Variants in SLC26A7 observed in about 807,000 individuals in gnomAD.
SLC26A7 encodes solute carrier family 26 member 7, also known as anion exchange transporter.
Under a neutral mutation model 82.5 loss-of-function variants are expected in SLC26A7, and 59 were observed. That is an observed-to-expected ratio of 0.72 (90% CI 0.58 to 0.89). The LOEUF (loss-of-function observed/expected upper bound fraction) is 0.89. Ranked by LOEUF, SLC26A7 falls within the 40% of genes least tolerant of loss-of-function variation. The pLI, the probability that SLC26A7 is intolerant of heterozygous loss-of-function variation, is 0.00. For missense variants in SLC26A7, 820 were observed against 793.0 expected (o/e 1.03, Z -0.41); for synonymous variants, 271 against 274.3 (o/e 0.99, Z 0.12).
intron 4 of SLC26A7, among the ~76,000 whole-genome samples, chr8:91,315,291 A>C (rs7016454): frequency 0.054 from 8,271 of 152,188 alleles, 269 homozygotes; most frequent in African/African-American, 0.067. Context: ...TTTTCATCAT[A>C]CCTCAGTAAT....
chr8:91,252,480 C>G (rs953001764), intron 2 of SLC26A7, among the ~76,000 whole-genome samples: 1 of 151,952 alleles, frequency 6.6e-6, no homozygotes, highest in Non-Finnish European at 1.5e-5. Context: ...CCCTTATTCT[C>G]TTGGTTTTTA....
At chr8:91,349,570 G>A (rs978656799) in intron 9 of SLC26A7, among the ~76,000 whole-genome samples, 6 of 152,068 alleles carry the variant, frequency 3.9e-5, no homozygotes, top group South Asian at 4.1e-4. Flanking sequence ...TATATTTGGC[G>A]TTTTTGGATC....
chr8:91,384,683 C>G (rs539983424), intron 15 of SLC26A7, among the ~76,000 whole-genome samples: 3 of 151,876 alleles, frequency 2.0e-5, no homozygotes, highest in Middle Eastern at 3.2e-3. Context: ...TTACTGTCTT[C>G]CTTGTTCATC....
At position 91,395,136 on chromosome 8, in the gene SLC26A7, T is replaced by G. The variant is rs185352225; in HGVS notation, c.*39T>G. The G allele has an allele frequency of 4.9e-4, 795 of 1,612,142 alleles. 11 individuals are homozygous for G. In the South Asian group the frequency reaches 6.6e-3, roughly 13 times the overall value. On this transcript the variant is annotated 3_prime_UTR_variant, in exon 19 of 19. Coordinates refer to ENST00000276609, the MANE Select transcript of SLC26A7 (RefSeq NM_052832.4). Reference sequence around the variant, plus strand: ...CAGTACAGCTCTTGTCTTTACCAACTGCCTGAAGAGGCCATATGCTGGCAT... The same window carrying G: ...CAGTACAGCTCTTGTCTTTACCAACGGCCTGAAGAGGCCATATGCTGGCAT...
At chr8:91,362,183 G>T (rs1317646118) in intron 11 of SLC26A7, among the ~76,000 whole-genome samples, 170 bp from the exon 12 acceptor site, 1 of 152,038 alleles carries the variant, frequency 6.6e-6, no homozygotes, top group Admixed American at 6.6e-5. Flanking sequence ...GATGGAGCAG[G>T]ATTTGTTTCT....
intron 1 of SLC26A7, among the ~76,000 whole-genome samples, chr8:91,210,017 A>G (rs1471398096): frequency 2.6e-5 from 4 of 152,214 alleles, no homozygotes; most frequent in Non-Finnish European, 4.4e-5. Context: ...ATTAAAATGT[A>G]ACGTTAGAAG....
rs1813762270 is a variant in SLC26A7, at chr8:91,352,982, G to A, written c.1300G>A (p.Asp434Asn). 1.2e-6 allele frequency: 2 copies of A among 1,606,100 alleles called. No homozygotes were observed. Among genetic ancestry groups the A allele is most frequent in the South Asian group, 2.2e-5 (2 of 89,836 alleles). The change falls in exon 11 of 19, where the codon GAT becomes AAT. Residue 434 changes from aspartate to asparagine, a missense_variant. By Grantham distance (23) the Asp-to-Asn change is conservative. Transcript: ENST00000276609. Reference protein sequence around the residue: ...FRDLKKYWNVDKIDWGIWVST... With the variant: ...FRDLKKYWNVNKIDWGIWVST... ...AGATTTAAAAAAATATTGGAATGTG[G>A]ATAAAATCGATTGGGTAAGTAGAAA...
At chr8:91,310,336 G>A (rs551950897) in intron 4 of SLC26A7, among the ~76,000 whole-genome samples, 15 of 152,244 alleles carry the variant, frequency 9.9e-5, no homozygotes, top group African/African-American at 3.4e-4. Context: ...GGCAGGGTTG[G>A]CTCCATTGGT....
At chr8:91,227,125 C>T (rs1018431354) in intron 2 of SLC26A7, among the ~76,000 whole-genome samples, 9 of 152,214 alleles carry the variant, frequency 5.9e-5, no homozygotes, top group Non-Finnish European at 8.8e-5. Flanking sequence ...GTTATCTTGT[C>T]AATCTGTAAT....
In SLC26A7 at chr8:91,396,118, A is replaced by G. The variant is rs1808566146; in HGVS notation, c.*1021A>G. 1 of 151,980 alleles carries G rather than the reference A, an allele frequency of 6.6e-6. No homozygotes were observed. Among genetic ancestry groups the G allele is most frequent in the Non-Finnish European group, 1.5e-5 (1 of 67,890 alleles). The allele number at this position is 151,980 out of a possible 1,614,324, so 9.4% of individuals were successfully genotyped here. A position where few individuals can be genotyped will look rare whatever the true frequency, so the allele number is the denominator to read the frequency against. On this transcript the variant is annotated 3_prime_UTR_variant, in exon 19 of 19. Transcript: ENST00000276609. Reference sequence around the variant, plus strand: ...TGATTATCTTCAAACCCACCAAACCAACAGGATAATTGACAAATAAACGCC... The same window carrying G: ...TGATTATCTTCAAACCCACCAAACCGACAGGATAATTGACAAATAAACGCC...
At chr8:91,215,646 A>C (rs1427094899) in intron 1 of SLC26A7, among the ~76,000 whole-genome samples, 1 of 152,188 alleles carries the variant, frequency 6.6e-6, no homozygotes, top group Non-Finnish European at 1.5e-5. Flanking sequence ...TATTTTTTCA[A>C]AATAAAAGCA....
chr8:91,324,128 A>T (rs947521846), intron 5 of SLC26A7, among the ~76,000 whole-genome samples: 12 of 152,050 alleles, frequency 7.9e-5, no homozygotes, highest in African/African-American at 2.9e-4. Context: ...CACTCAGCTT[A>T]TATTTTTCTT....
intron 16 of SLC26A7, 116 bp from the exon 17 acceptor site, chr8:91,393,681 G>T: frequency 9.0e-7 from 1 of 1,105,354 alleles, no homozygotes. Context: ...CCCTCTGGTG[G>T]TTTGACTTCG....
intron 2 of SLC26A7, among the ~76,000 whole-genome samples, chr8:91,276,286 A>G (rs996385892): frequency 1.3e-5 from 2 of 152,228 alleles, no homozygotes. Flanking sequence ...AAAATAATTC[A>G]TAGAATTTCA....
intron 10 of SLC26A7, 109 bp downstream of exon 10, chr8:91,351,996 C>G: frequency 1.1e-6 from 1 of 884,000 alleles, no homozygotes. Flanking sequence ...ATGTAGAAAC[C>G]ATGTTACAGA....
rs1054127435 is a variant in SLC26A7, at chr8:91,395,221, T to C, written c.*124T>C. 2 of 1,517,978 alleles carry C rather than the reference T, an allele frequency of 1.3e-6. No individual in the cohort carries two copies. Among genetic ancestry groups the C allele is most frequent in the Non-Finnish European group, 1.8e-6 (2 of 1,135,610 alleles). The allele number at this position is 1,517,978 out of a possible 1,614,324, so 94.0% of individuals were successfully genotyped here. ...ATGACCTCTGCTACAATAAGTACGA[T>C]GTGACTTAGTAACTGCATAGCAGTT... is the stretch of plus-strand genomic sequence containing the variant. On this transcript the variant is annotated 3_prime_UTR_variant, in exon 19 of 19. Coordinates refer to ENST00000276609, the MANE Select transcript of SLC26A7 (RefSeq NM_052832.4).
intron 16 of SLC26A7, among the ~76,000 whole-genome samples, chr8:91,390,285 T>A (rs889833544): frequency 6.6e-5 from 10 of 151,906 alleles, no homozygotes; most frequent in Non-Finnish European, 1.3e-4. Context: ...CCCGGCTATT[T>A]TTTTTGTATT....
At chr8:91,287,710 G>T (rs1330072155) in intron 2 of SLC26A7, among the ~76,000 whole-genome samples, 1 of 152,150 alleles carries the variant, frequency 6.6e-6, no homozygotes, top group African/African-American at 2.4e-5. Context: ...ATGAGAAAAA[G>T]TTGTTTTCTA....
intron 9 of SLC26A7, among the ~76,000 whole-genome samples, chr8:91,345,771 T>G (rs1813545894): frequency 6.6e-6 from 1 of 152,196 alleles, no homozygotes. Context: ...ATGTGTTCCA[T>G]AACTGGGGTT....
Sources: allele counts gnomAD v4.1 joint callset (sites outside exome capture counted in the v4.1 genomes callset), GRCh38; gene constraint gnomAD v4.1.1; transcripts MANE v1.5; gene names NCBI Gene and HGNC (gene_info 2026-07-23, HGNC 2026-07-21).